PRMT3: variants seen among roughly 807,000 people sequenced by gnomAD.
The protein encoded by PRMT3 is protein arginine methyltransferase 3.
A neutral mutation model predicts 71.9 loss-of-function variants in PRMT3; 62 were observed. That is an observed-to-expected ratio of 0.86 (90% confidence interval 0.70 to 1.07). PRMT3 has a LOEUF of 1.07. PRMT3 is among the 50% of genes least tolerant of loss of function. The pLI is 0.00. For synonymous variants in PRMT3, 213 were observed against 220.4 expected, an observed-to-expected ratio of 0.97 and a Z score of 0.30; for missense variants, 663 against 643.0, an observed-to-expected ratio of 1.03 and a Z score of -0.34.
At chr11:20,430,183 C>T (rs148729091) in intron 10 of PRMT3, among the ~76,000 whole-genome samples, 2 of 152,148 alleles carry the variant, frequency 1.3e-5, no homozygotes, top group Non-Finnish European at 2.9e-5. Flanking sequence ...AATAAAGATG[C>T]AAAAATCTAG....
chr11:20,508,033 G>A (rs1027336154), intron 15 of PRMT3, among the ~76,000 whole-genome samples: 1 of 151,764 alleles, frequency 6.6e-6, no homozygotes, highest in African/African-American at 2.4e-5. Flanking sequence ...TTGAACCCAG[G>A]AGGCGGAGGT....
At chr11:20,504,736 G>T (rs1263291410) in intron 15 of PRMT3, among the ~76,000 whole-genome samples, 3 of 151,714 alleles carry the variant, frequency 2.0e-5, no homozygotes, top group Non-Finnish European at 2.9e-5. Context: ...GAGAGAGAGA[G>T]AGAGAGAGAG....
At chr11:20,408,165 A>G in intron 9 of PRMT3, 133 bp downstream of exon 9, 1 of 547,042 alleles carries the variant, frequency 1.8e-6, no homozygotes, top group South Asian at 3.8e-5. Context: ...ACTCCAGAAT[A>G]ATAAGATTTT....
At chr11:20,416,756 T>C (rs1390743208) in intron 9 of PRMT3, among the ~76,000 whole-genome samples, 1 of 152,216 alleles carries the variant, frequency 6.6e-6, no homozygotes, top group Non-Finnish European at 1.5e-5. Context: ...ATGATACATT[T>C]GGGAGGGAGC....
chr11:20,404,789 A>G (rs985063319), intron 8 of PRMT3, among the ~76,000 whole-genome samples: 30 of 152,188 alleles, frequency 2.0e-4, no homozygotes, highest in African/African-American at 6.8e-4. Context: ...TTTGGGCCTA[A>G]CCTGTAAGGT....
chr11:20,411,543 TAAG>T (rs561991083), intron 9 of PRMT3, among the ~76,000 whole-genome samples: 69 of 152,206 alleles, frequency 4.5e-4, no homozygotes, highest in Middle Eastern at 3.4e-3. Context: ...GAAGCATAGA[TAAG>T]AAGTGCAGTG....
chr11:20,446,229 T>A (rs911779337), intron 10 of PRMT3, among the ~76,000 whole-genome samples: 1 of 152,144 alleles, frequency 6.6e-6, no homozygotes, highest in South Asian at 2.1e-4. Context: ...ATTGTGTGAC[T>A]GCTAATCTCG....
At chr11:20,506,496 CCTT>C (rs1851594100) in intron 15 of PRMT3, among the ~76,000 whole-genome samples, 1 of 151,630 alleles carries the variant, frequency 6.6e-6, no homozygotes. Context: ...GTGAGTCTCA[CCTT>C]TTTTGCAAAG....
chr11:20,419,076 A>G (rs1849370503), intron 9 of PRMT3, among the ~76,000 whole-genome samples: 1 of 152,178 alleles, frequency 6.6e-6, no homozygotes, highest in Non-Finnish European at 1.5e-5. Context: ...TAGGGTATAC[A>G]TATCTTCAAA....
chr11:20,460,826 A>G (rs910896627), intron 11 of PRMT3, among the ~76,000 whole-genome samples: 3 of 152,060 alleles, frequency 2.0e-5, no homozygotes, highest in Non-Finnish European at 4.4e-5. Context: ...CTCAGCCTCA[A>G]AGTCCTCTGA....
At chr11:20,479,020 C>A (rs1442142703) in intron 13 of PRMT3, among the ~76,000 whole-genome samples, 1 of 152,162 alleles carries the variant, frequency 6.6e-6, no homozygotes, top group East Asian at 1.9e-4. Flanking sequence ...TTGTCTTGAA[C>A]TTGCATCATA....
intron 15 of PRMT3, among the ~76,000 whole-genome samples, chr11:20,503,170 G>T (rs532427300): frequency 6.6e-6 from 1 of 151,346 alleles, no homozygotes; most frequent in African/African-American, 2.4e-5. Context: ...ATTTTTTATA[G>T]TCACATCTGT....
At chr11:20,461,438 G>C (rs1310606843) in intron 11 of PRMT3, among the ~76,000 whole-genome samples, 2 of 152,178 alleles carry the variant, frequency 1.3e-5, no homozygotes, top group Non-Finnish European at 2.9e-5. Context: ...ATTGAGGATA[G>C]TGATATGTGT....
At chr11:20,437,864 C>T (rs947713952) in intron 10 of PRMT3, among the ~76,000 whole-genome samples, 13 of 152,102 alleles carry the variant, frequency 8.5e-5, no homozygotes, top group Non-Finnish European at 1.3e-4. Flanking sequence ...GCTGGGATTA[C>T]AGGCGTGAGC....
At chr11:20,424,218 A>G (rs987924775) in intron 9 of PRMT3, among the ~76,000 whole-genome samples, 1 of 151,408 alleles carries the variant, frequency 6.6e-6, no homozygotes, top group African/African-American at 2.4e-5. Context: ...TGGGAGTGCA[A>G]ATGATCAAGA....
In PRMT3 at chr11:20,395,826, G is replaced by T. The variant is rs954464364; in HGVS notation, c.424G>T (p.Val142Leu). Residue 142 changes from valine (V) to leucine (L), a missense_variant, in exon 6 of 16, where the codon GTG (valine) becomes TTG (leucine). Val to Leu is a conservative substitution (Grantham distance 32). Coordinates refer to ENST00000331079, the MANE Select transcript of PRMT3 (RefSeq NM_005788.4). ...QFDVEDLYEP[V>L]SVPFSYPNGL... Reference sequence around the variant, plus strand: ...AGATGTAGAAGATCTTTATGAACCGGTGTCAGTACCCTTCTCATACCCCAA... The same window carrying T: ...AGATGTAGAAGATCTTTATGAACCGTTGTCAGTACCCTTCTCATACCCCAA... 1.2e-6 allele frequency: 2 copies of T among 1,612,894 alleles called. No individual in the cohort carries two copies. Among genetic ancestry groups the T allele is most frequent in the African/African-American group, 2.7e-5 (2 of 74,824 alleles).
At chr11:20,425,470 T>G (rs910359897) in intron 9 of PRMT3, among the ~76,000 whole-genome samples, 29 of 152,342 alleles carry the variant, frequency 1.9e-4, no homozygotes, top group African/African-American at 7.0e-4. Context: ...TTATTCATTA[T>G]GGTCCAAAGC....
intron 9 of PRMT3, among the ~76,000 whole-genome samples, chr11:20,420,754 A>G (rs1849408040): frequency 6.6e-6 from 1 of 152,166 alleles, no homozygotes; most frequent in African/African-American, 2.4e-5. Context: ...AACAAAACCT[A>G]CAACCAGTAT....
chr11:20,422,584 T>C (rs1849451792), intron 9 of PRMT3, among the ~76,000 whole-genome samples: 1 of 152,168 alleles, frequency 6.6e-6, no homozygotes, highest in Non-Finnish European at 1.5e-5. Flanking sequence ...CACTAGCAGG[T>C]TCTCTAAATC....
Sources: allele counts gnomAD v4.1 joint callset (sites outside exome capture counted in the v4.1 genomes callset), GRCh38; gene constraint gnomAD v4.1.1; transcripts MANE v1.5; gene names NCBI Gene and HGNC (gene_info 2026-07-23, HGNC 2026-07-21).